The following EXOC6B variants were observed in gnomAD, a reference collection of about 807,000 sequenced individuals.
EXOC6B encodes the protein exocyst complex component 6B.
EXOC6B carries 54 observed loss-of-function variants against 113.5 expected under a neutral mutation model. The observed-to-expected ratio is 0.48, with a 90% CI of 0.38 to 0.60. EXOC6B has a LOEUF of 0.60. EXOC6B is among the 20% of genes least tolerant of loss of function. The pLI is 0.00. For synonymous variants in EXOC6B, 357 were observed against 339.0 expected (o/e 1.05, Z -0.58); for missense variants, 797 against 977.5 (o/e 0.82, Z 2.46).
At position 72,468,741 on chromosome 2, in the gene EXOC6B, T is replaced by G. The variant is rs1698215341; in HGVS notation, c.1801-3402A>C. Among the ~76,000 whole-genome samples, 5 of 152,314 alleles carry G rather than the reference T, an allele frequency of 3.3e-5. No individual in the cohort carries two copies. In the South Asian group the frequency reaches 1.0e-3, roughly 32 times the overall value. ...TAGATCACTTTGGGTAATATGGAAATTCTAACGATGTTAATTTTTCAATCC... is the reference window on the plus strand; with the variant it reads ...TAGATCACTTTGGGTAATATGGAAAGTCTAACGATGTTAATTTTTCAATCC... On this transcript the variant is annotated intron_variant, in intron 17 of 21. Coordinates refer to ENST00000272427, the MANE Select transcript of EXOC6B (RefSeq NM_015189.3).
At chr2:72,446,799 T>C (rs2105348572) in intron 18 of EXOC6B, among the ~76,000 whole-genome samples, 1 of 152,296 alleles carries the variant, frequency 6.6e-6, no homozygotes, top group Non-Finnish European at 1.5e-5. Flanking sequence ...AAGAAAATCC[T>C]GCTTCAAACT....
chr2:72,613,440 T>C (rs910502391), intron 6 of EXOC6B, among the ~76,000 whole-genome samples: 2 of 151,902 alleles, frequency 1.3e-5, no homozygotes, highest in African/African-American at 4.8e-5. Context: ...TAAAATAATA[T>C]GGAGACTGTG....
chr2:72,403,239 C>A (rs1009824718), intron 18 of EXOC6B, among the ~76,000 whole-genome samples: 2 of 152,198 alleles, frequency 1.3e-5, no homozygotes. Flanking sequence ...TTGTTCCACA[C>A]ACCTGTAACT....
At chr2:72,428,975 T>C (rs1695370089) in intron 18 of EXOC6B, among the ~76,000 whole-genome samples, 1 of 152,244 alleles carries the variant, frequency 6.6e-6, no homozygotes, top group Non-Finnish European at 1.5e-5. Context: ...AGATGAAAGA[T>C]CAAATAGACC....
chr2:72,369,220 AACAG>A (rs1320615538), intron 19 of EXOC6B, among the ~76,000 whole-genome samples: 1 of 151,902 alleles, frequency 6.6e-6, no homozygotes, highest in Admixed American at 6.6e-5. Context: ...ATATACCAAT[AACAG>A]ACAGAGAGCC....
rs3063329 is a variant in EXOC6B, at chr2:72,360,930, C to CAAAA, written c.2122+18795_2122+18798dup. On this transcript the variant is annotated intron_variant, in intron 19 of 21. Transcript: ENST00000272427. Reference sequence around the variant, plus strand: ...TGGGCGATAAAGGAAGACTCCATCTCAAAAAAAAAAAAAAAAAAAAATTAT... The same window carrying CAAAA: ...TGGGCGATAAAGGAAGACTCCATCTCAAAAAAAAAAAAAAAAAAAAAAAAATTAT... Among the ~76,000 whole-genome samples the CAAAA allele has an allele frequency of 3.3e-4, 30 of 91,078 alleles. 1 individual carries two copies. Among genetic ancestry groups the CAAAA allele is most frequent in the African/African-American group, 8.8e-4 (23 of 26,118 alleles). The allele number at this position is 91,078 out of a possible 152,430, so 59.8% of individuals were successfully genotyped here. A position where few individuals can be genotyped will look rare whatever the true frequency, so the allele number is the denominator to read the frequency against.
chr2:72,225,370 T>C lies in EXOC6B; in HGVS notation c.2197-41183A>G, dbSNP rs552733768. Among the ~76,000 whole-genome samples, 3 of 152,332 alleles carry C rather than the reference T, an allele frequency of 2.0e-5. No homozygotes were observed. In the East Asian group the frequency reaches 5.8e-4, roughly 29 times the overall value. On this transcript the variant is annotated intron_variant, in intron 20 of 21. Transcript: ENST00000272427. ...TTGATGTGTCAGGTATTGGGCTAAG[T>C]TCTTTGCAGACATTATTCTTTATTA...
At chr2:72,617,970 A>C (rs1028164933) in intron 6 of EXOC6B, among the ~76,000 whole-genome samples, 18 of 152,184 alleles carry the variant, frequency 1.2e-4, no homozygotes, top group Non-Finnish European at 2.4e-4. Flanking sequence ...TTAGTTGTTC[A>C]GTAAGACATC....
chr2:72,309,568 T>G (rs181934632), intron 20 of EXOC6B, among the ~76,000 whole-genome samples: 99 of 152,180 alleles, frequency 6.5e-4, no homozygotes, highest in African/African-American at 2.4e-3. Flanking sequence ...TATTCTAAGA[T>G]TTCTCAAATT....
chr2:72,289,954 A>AACC (rs1685684363), intron 20 of EXOC6B, among the ~76,000 whole-genome samples: 1 of 152,162 alleles, frequency 6.6e-6, no homozygotes, highest in Non-Finnish European at 1.5e-5. Flanking sequence ...GGCCTGAAAA[A>AACC]ACCACAAAGG....
chr2:72,359,768 A>C (rs1690192183), intron 19 of EXOC6B, among the ~76,000 whole-genome samples: 1 of 152,126 alleles, frequency 6.6e-6, no homozygotes, highest in African/African-American at 2.4e-5. Flanking sequence ...CTCACGTTGA[A>C]ACATGATTCT....
intron 6 of EXOC6B, among the ~76,000 whole-genome samples, chr2:72,648,357 T>G (rs1034502262): frequency 5.3e-5 from 8 of 152,248 alleles, no homozygotes; most frequent in African/African-American, 1.9e-4. Context: ...TCAACCACTG[T>G]GGAAGACAGT....
chr2:72,597,428 T>A (rs974160427), intron 6 of EXOC6B, among the ~76,000 whole-genome samples: 4 of 151,734 alleles, frequency 2.6e-5, no homozygotes, highest in African/African-American at 9.7e-5. Flanking sequence ...CTGGTAAAAA[T>A]TTTTAAAGAA....
chr2:72,659,974 A>C (rs990213849), intron 6 of EXOC6B, among the ~76,000 whole-genome samples: 2 of 152,154 alleles, frequency 1.3e-5, no homozygotes, highest in East Asian at 3.8e-4. Context: ...AAACAGCAAA[A>C]GGTCTATCCC....
chr2:72,351,961 A>G (rs1272492346), intron 19 of EXOC6B, among the ~76,000 whole-genome samples: 1 of 152,142 alleles, frequency 6.6e-6, no homozygotes, highest in African/African-American at 2.4e-5. Flanking sequence ...TAGTCCTCTA[A>G]TTTAAGAGAC....
chr2:72,486,927 T>C (rs576070823), intron 16 of EXOC6B, among the ~76,000 whole-genome samples: 6 of 152,228 alleles, frequency 3.9e-5, no homozygotes, highest in East Asian at 1.9e-4. Context: ...CCCATTTCTT[T>C]GTTTCCTTTG....
intron 1 of EXOC6B, among the ~76,000 whole-genome samples, chr2:72,775,034 G>A (rs1159404281): frequency 6.6e-6 from 1 of 152,196 alleles, no homozygotes; most frequent in African/African-American, 2.4e-5. Flanking sequence ...TGCATAGGGA[G>A]AGTTATGAGA....
At chr2:72,257,499 T>C (rs575198745) in intron 20 of EXOC6B, among the ~76,000 whole-genome samples, 100 of 152,330 alleles carry the variant, frequency 6.6e-4, no homozygotes, top group African/African-American at 2.2e-3. Context: ...GAAAAACCAC[T>C]ATTAATCTTT....
At chr2:72,194,036 T>C (rs746639285) in intron 20 of EXOC6B, among the ~76,000 whole-genome samples, 3 of 152,166 alleles carry the variant, frequency 2.0e-5, no homozygotes, top group Non-Finnish European at 4.4e-5. Flanking sequence ...ATATCCACTA[T>C]CCAGTCTTTT....
Sources: allele counts gnomAD v4.1 joint callset (sites outside exome capture counted in the v4.1 genomes callset), GRCh38; gene constraint gnomAD v4.1.1; transcripts MANE v1.5; gene names NCBI Gene and HGNC (gene_info 2026-07-23, HGNC 2026-07-21).